The following TBL1XR1 variants were observed in gnomAD, a reference collection of about 807,000 sequenced individuals.
The protein encoded by TBL1XR1 is TBL1X/Y related 1, also known as F-box-like/WD repeat-containing protein TBL1XR1.
A neutral mutation model predicts 66.9 loss-of-function variants in TBL1XR1; 5 were observed. The ratio of observed to expected loss-of-function variants is 0.07; its 90% CI spans 0.04 to 0.16. TBL1XR1 has a LOEUF of 0.16. Among genes scored for constraint, TBL1XR1 ranks in the 10% least tolerant of loss-of-function variants. The pLI, the probability that TBL1XR1 is intolerant of heterozygous loss-of-function variation, is 1.00. For missense variants in TBL1XR1, 238 were observed against 623.2 expected (o/e 0.38, Z 6.58); for synonymous variants, 210 against 206.0 (o/e 1.02, Z -0.17).
intron 2 of TBL1XR1, among the ~76,000 whole-genome samples, chr3:177,093,352 G>A (rs573969207): frequency 3.9e-5 from 6 of 152,194 alleles, no homozygotes; most frequent in South Asian, 2.1e-4. Flanking sequence ...AACACATCCT[G>A]TGTTCATGGA....
chr3:177,048,734 T>C (rs1247725817), intron 7 of TBL1XR1, among the ~76,000 whole-genome samples: 3 of 152,228 alleles, frequency 2.0e-5, no homozygotes, highest in African/African-American at 7.2e-5. Flanking sequence ...AAAAGAATCA[T>C]TAATCGAGGA....
chr3:177,105,053 C>T (rs2108690698), intron 1 of TBL1XR1, among the ~76,000 whole-genome samples: 2 of 152,298 alleles, frequency 1.3e-5, no homozygotes, highest in Middle Eastern at 3.4e-3. Flanking sequence ...GCTTCCGGTT[C>T]ACAAACCTTC....
intron 2 of TBL1XR1, among the ~76,000 whole-genome samples, chr3:177,077,637 C>A (rs1052661064): frequency 6.6e-6 from 1 of 152,142 alleles, no homozygotes; most frequent in Non-Finnish European, 1.5e-5. Flanking sequence ...CCTTTATATG[C>A]ACTTTACTCT....
chr3:177,038,541 A>G, intron 10 of TBL1XR1, 107 bp from the exon 11 acceptor site: 1 of 1,103,460 alleles, frequency 9.1e-7, no homozygotes, highest in East Asian at 2.8e-5. Flanking sequence ...ACAGGCACTT[A>G]AACATTTTAC....
intron 10 of TBL1XR1, among the ~76,000 whole-genome samples, chr3:177,042,754 T>G (rs1715762917): frequency 6.6e-6 from 1 of 152,138 alleles, no homozygotes; most frequent in South Asian, 2.1e-4. Context: ...TTTTCCCAGT[T>G]AAATAATTTC....
At chr3:177,049,927 C>A (rs563020040) in intron 7 of TBL1XR1, 70 bp downstream of exon 7, 1 of 1,529,648 alleles carries the variant, frequency 6.5e-7, no homozygotes, top group Non-Finnish European at 8.9e-7. Context: ...ACAAACCCTG[C>A]CGTGAGTATG....
chr3:177,034,420 T>A, intron 12 of TBL1XR1, 95 bp from the exon 13 acceptor site: 2 of 847,882 alleles, frequency 2.4e-6, no homozygotes, highest in Non-Finnish European at 3.3e-6. Context: ...ATGGACAGTC[T>A]AAAACATGAG....
chr3:177,181,836 A>AAAC (rs1560272585), intron 1 of TBL1XR1, among the ~76,000 whole-genome samples: 5 of 149,588 alleles, frequency 3.3e-5, no homozygotes, highest in Non-Finnish European at 4.5e-5. Context: ...AAAAAAAAAA[A>AAAC]ACACACACAT....
At chr3:177,184,324 T>C (rs888433441) in intron 1 of TBL1XR1, among the ~76,000 whole-genome samples, 4 of 152,150 alleles carry the variant, frequency 2.6e-5, no homozygotes, top group African/African-American at 9.7e-5. Context: ...ACAAATCCCA[T>C]TGTGCCAAAT....
chr3:177,027,242 AC>A (rs1251469581), intron 14 of TBL1XR1: 1 of 152,244 alleles, frequency 6.6e-6, no homozygotes, highest in African/African-American at 2.4e-5. Context: ...CAAGCAATCC[AC>A]CCACCCTGGC....
chr3:177,026,491 CAA>C lies in TBL1XR1; in HGVS notation c.1417-19_1417-18del. On this transcript the variant is annotated intron_variant, in intron 14 of 15. Transcript: ENST00000457928. ...AGCACCTGTCTAAAAGAATGAAAAA[CAA>C]AATCTTAAAAATCGTAATACATATT... 1 of 1,550,522 alleles carries C rather than the reference CAA, an allele frequency of 6.4e-7. No homozygotes were observed. The highest frequency in any genetic ancestry group is 8.7e-7 in the Non-Finnish European group (1 of 1,150,532).
intron 1 of TBL1XR1, among the ~76,000 whole-genome samples, chr3:177,174,836 C>G (rs1296330206): frequency 6.6e-6 from 1 of 152,176 alleles, no homozygotes; most frequent in East Asian, 1.9e-4. Flanking sequence ...AAGGTTGAAA[C>G]ATAATCCTGC....
chr3:177,057,929 G>A (rs756615987), intron 3 of TBL1XR1, among the ~76,000 whole-genome samples: 1 of 152,120 alleles, frequency 6.6e-6, no homozygotes. Flanking sequence ...GGGGTGGCAC[G>A]CATGAAGATC....
chr3:177,158,523 G>T (rs139687371), intron 1 of TBL1XR1, among the ~76,000 whole-genome samples: 1 of 152,064 alleles, frequency 6.6e-6, no homozygotes, highest in East Asian at 1.9e-4. Flanking sequence ...CACCACGTCC[G>T]GCCAATATAG....
At chr3:177,186,848 G>C (rs577418385) in intron 1 of TBL1XR1, among the ~76,000 whole-genome samples, 1 of 152,286 alleles carries the variant, frequency 6.6e-6, no homozygotes, top group South Asian at 2.1e-4. Flanking sequence ...CACTTTGGGA[G>C]CCTGAGGCTG....
At chr3:177,169,036 A>ACCACATATTTACAAAAATGAAAACT (rs931082493) in intron 1 of TBL1XR1, among the ~76,000 whole-genome samples, 4 of 152,180 alleles carry the variant, frequency 2.6e-5, no homozygotes, top group African/African-American at 7.2e-5. Flanking sequence ...CTAAAGCTTG[A>ACCACATATTTACAAAAATGAAAACT]CCACATATTT....
intron 15 of TBL1XR1, 44 bp from the exon 16 acceptor site, chr3:177,025,568 T>C (rs755699323): frequency 2.5e-6 from 4 of 1,581,382 alleles, no homozygotes; most frequent in Non-Finnish European, 3.5e-6. Context: ...CAGAATTTTA[T>C]TGTACATTTT....
At chr3:177,032,374 T>G (rs1342749794) in intron 14 of TBL1XR1, 1 of 152,196 alleles carries the variant, frequency 6.6e-6, no homozygotes, top group Admixed American at 6.5e-5. Flanking sequence ...AACAACTTAT[T>G]ATGTGTGCAC....
chr3:177,089,347 G>C (rs971469555), intron 2 of TBL1XR1, among the ~76,000 whole-genome samples: 1 of 152,138 alleles, frequency 6.6e-6, no homozygotes, highest in Non-Finnish European at 1.5e-5. Flanking sequence ...AGGAGCTGCT[G>C]CCCTGCCCTC....
Sources: gnomAD v4.1 joint callset for allele counts (sites outside exome capture counted in the v4.1 genomes callset) on GRCh38, gnomAD v4.1.1 for gene constraint, MANE v1.5 for transcripts, NCBI Gene and HGNC (gene_info 2026-07-23, HGNC 2026-07-21) for gene names.